The following ADGRB3 variants were observed in gnomAD, a reference collection of about 807,000 sequenced individuals.
The protein encoded by ADGRB3 is brain-specific angiogenesis inhibitor 3.
ADGRB3 carries 37 observed loss-of-function variants against 193.4 expected under a neutral mutation model. The ratio of observed to expected loss-of-function variants is 0.19; its 90% CI spans 0.15 to 0.25. The LOEUF is 0.25. Among genes scored for constraint, ADGRB3 ranks in the 10% least tolerant of loss-of-function variants. The pLI, the probability that ADGRB3 is intolerant of heterozygous loss-of-function variation, is 1.00. For missense variants in ADGRB3, 1,637 were observed against 1,852.9 expected, an observed-to-expected ratio of 0.88 and a Z score of 2.14; for synonymous variants, 690 against 644.2, an observed-to-expected ratio of 1.07 and a Z score of -1.08.
intron 17 of ADGRB3, among the ~76,000 whole-genome samples, chr6:69,154,909 C>T (rs1774789931): frequency 6.6e-6 from 1 of 152,228 alleles, no homozygotes; most frequent in African/African-American, 2.4e-5. Flanking sequence ...GCCCTTGCTA[C>T]TTGCTAAGAT....
intron 17 of ADGRB3, among the ~76,000 whole-genome samples, chr6:69,165,231 T>A (rs542869710): frequency 6.6e-6 from 1 of 152,184 alleles, no homozygotes; most frequent in African/African-American, 2.4e-5. Flanking sequence ...CCACTTAAAA[T>A]GCATCTACAA....
chr6:69,305,012 T>C (rs1378407867), intron 20 of ADGRB3, among the ~76,000 whole-genome samples: 1 of 151,430 alleles, frequency 6.6e-6, no homozygotes, highest in Non-Finnish European at 1.5e-5. Context: ...CATGGCTCAT[T>C]ACATTTTACG....
chr6:68,918,017 G>T (rs770981592), intron 3 of ADGRB3, among the ~76,000 whole-genome samples: 2 of 152,046 alleles, frequency 1.3e-5, no homozygotes, highest in Non-Finnish European at 2.9e-5. Context: ...TTCTGCCAAA[G>T]AAATAATAAT....
intron 28 of ADGRB3, among the ~76,000 whole-genome samples, chr6:69,358,548 G>C (rs1769380347): frequency 6.6e-6 from 1 of 151,784 alleles, no homozygotes; most frequent in Non-Finnish European, 1.5e-5. Context: ...TTTCAGTTGA[G>C]CCCATTAGGA....
intron 3 of ADGRB3, among the ~76,000 whole-genome samples, chr6:68,738,452 A>T (rs1765914631): frequency 6.6e-6 from 1 of 152,080 alleles, no homozygotes. Context: ...GAGATGAATT[A>T]GGGGGGAAAT....
chr6:69,027,546 A>G (rs747708320), intron 13 of ADGRB3, among the ~76,000 whole-genome samples: 2 of 152,246 alleles, frequency 1.3e-5, no homozygotes, highest in South Asian at 2.1e-4. Flanking sequence ...TGTGACTACC[A>G]TCATATAAAG....
chr6:69,120,075 A>T lies in ADGRB3; in HGVS notation c.2480+44037A>T, dbSNP rs571879730. ...AATGTATGGAAATAGGGGATTCATGAATAAGTTCAAAAACTGTGGCCTGGG... is the reference window on the plus strand; with the variant it reads ...AATGTATGGAAATAGGGGATTCATGTATAAGTTCAAAAACTGTGGCCTGGG... On this transcript the variant is annotated intron_variant, in intron 17 of 31. Transcript: ENST00000370598. Among the ~76,000 whole-genome samples the T allele has an allele frequency of 3.9e-5, 6 of 152,276 alleles. No homozygotes were observed. The East Asian group carries it at 9.7e-4, about 25-fold the overall frequency.
At chr6:68,773,944 A>G (rs1042083628) in intron 3 of ADGRB3, among the ~76,000 whole-genome samples, 6 of 152,114 alleles carry the variant, frequency 3.9e-5, no homozygotes, top group Admixed American at 2.6e-4. Flanking sequence ...CATGGGATGC[A>G]TAATGGGCAA....
At chr6:68,882,365 G>A (rs1246112938) in intron 3 of ADGRB3, among the ~76,000 whole-genome samples, 1 of 152,116 alleles carries the variant, frequency 6.6e-6, no homozygotes, top group Admixed American at 6.5e-5. Context: ...TTAAACCACA[G>A]GATACTGAAG....
In ADGRB3 at chr6:68,635,492, G is replaced by A. The variant is rs536601099; in HGVS notation, c.-696G>A. 2 of 152,470 alleles carry A rather than the reference G, an allele frequency of 1.3e-5. No individual in the cohort carries two copies. Among genetic ancestry groups the A allele is most frequent in the African/African-American group, 4.8e-5 (2 of 41,512 alleles). The allele number at this position is 152,470 out of a possible 1,614,324, so 9.4% of individuals were successfully genotyped here. The stretch of plus-strand genomic sequence containing the variant: ...GAAAGAGGAAAAAGCATAAGCTTGA[G>A]CCTTCCGATCCGACCACGAATACTC... On this transcript the variant is annotated 5_prime_UTR_variant, in exon 1 of 32. Coordinates refer to ENST00000370598, the MANE Select transcript of ADGRB3 (RefSeq NM_001704.3).
chr6:69,276,397 G>A (rs1767303655), intron 20 of ADGRB3, among the ~76,000 whole-genome samples: 1 of 152,138 alleles, frequency 6.6e-6, no homozygotes, highest in Non-Finnish European at 1.5e-5. Context: ...TTAACAGGAA[G>A]CAAATAAACA....
At chr6:68,840,040 A>G in intron 3 of ADGRB3, among the ~76,000 whole-genome samples, 1 of 152,162 alleles carries the variant, frequency 6.6e-6, no homozygotes, top group African/African-American at 2.4e-5. Flanking sequence ...GGAATCGCCC[A>G]TCCCAATGGT....
chr6:68,976,017 G>T (rs1768737070), intron 10 of ADGRB3, among the ~76,000 whole-genome samples: 1 of 152,146 alleles, frequency 6.6e-6, no homozygotes, highest in African/African-American at 2.4e-5. Flanking sequence ...AGTCAACAGG[G>T]CCTCCATACA....
At chr6:69,009,052 C>T (rs1011590614) in intron 11 of ADGRB3, among the ~76,000 whole-genome samples, 1 of 151,974 alleles carries the variant, frequency 6.6e-6, no homozygotes, top group African/African-American at 2.4e-5. Context: ...GAATGCTTAG[C>T]CCATTTCCTT....
chr6:69,084,824 G>A (rs146142447), intron 17 of ADGRB3, among the ~76,000 whole-genome samples: 2 of 152,168 alleles, frequency 1.3e-5, no homozygotes, highest in Admixed American at 1.3e-4. Flanking sequence ...TGAATGATAA[G>A]AATCAACAAA....
rs12526946 is a variant in ADGRB3 at position 68,902,169 on chromosome 6, C to T, written c.758-28390C>T. ...TATTCTGAAACCAGTGTGTGAATAA[C>T]GAGGTATTCACACTGTTACTTCTGA... On this transcript the variant is annotated intron_variant, in intron 3 of 31. Transcript: ENST00000370598. Among the ~76,000 whole-genome samples, 715 of 152,054 alleles carry T rather than the reference C, an allele frequency of 4.7e-3. 5 individuals carry two copies. The highest frequency in any genetic ancestry group is 0.015 in the African/African-American group (637 of 41,474).
chr6:69,137,192 A>G (rs1774176753), intron 17 of ADGRB3, among the ~76,000 whole-genome samples: 1 of 151,760 alleles, frequency 6.6e-6, no homozygotes, highest in Non-Finnish European at 1.5e-5. Flanking sequence ...AAACATTTAT[A>G]ACCATCCAAA....
chr6:68,961,137 C>A (rs963239328), intron 8 of ADGRB3, among the ~76,000 whole-genome samples: 1 of 151,988 alleles, frequency 6.6e-6, no homozygotes, highest in Non-Finnish European at 1.5e-5. Context: ...ATGTTTCAGC[C>A]AAAATAAGAT....
intron 3 of ADGRB3, among the ~76,000 whole-genome samples, chr6:68,857,434 G>T (rs1013516433): frequency 3.3e-5 from 5 of 152,312 alleles, no homozygotes; most frequent in Middle Eastern, 3.4e-3. Context: ...GCATCAGTTT[G>T]ACCTGAATGT....
Sources: gnomAD v4.1 joint callset for allele counts (sites outside exome capture counted in the v4.1 genomes callset) on GRCh38, gnomAD v4.1.1 for gene constraint, MANE v1.5 for transcripts, NCBI Gene and HGNC (gene_info 2026-07-23, HGNC 2026-07-21) for gene names.